Variants in XKR6 observed in about 807,000 individuals in gnomAD.
XKR6 encodes the protein XK related 6.
In XKR6, 22 loss-of-function variants were observed where a neutral mutation model predicts 56.7. That is an observed-to-expected ratio of 0.39 (90% CI 0.28 to 0.55). The LOEUF (loss-of-function observed/expected upper bound fraction) is 0.55, where lower values mean the gene tolerates loss of function less well. Among genes scored for constraint, XKR6 ranks in the 20% least tolerant of loss-of-function variants. The probability of loss-of-function intolerance (pLI) is 0.66; values close to 1 mark genes in which losing one functional copy is unlikely to be tolerated. For synonymous variants in XKR6, 524 were observed against 387.8 expected (o/e 1.35, Z -4.13); for missense variants, 852 against 889.0 (o/e 0.96, Z 0.53).
intron 1 of XKR6, among the ~76,000 whole-genome samples, chr8:11,159,870 T>C (rs909604789): frequency 3.3e-5 from 5 of 152,194 alleles, no homozygotes; most frequent in Admixed American, 1.3e-4. Flanking sequence ...AGAATGTTGT[T>C]GATTAGAGAT....
intron 2 of XKR6, among the ~76,000 whole-genome samples, chr8:10,899,187 G>C (rs1010600343): frequency 4.6e-5 from 7 of 152,192 alleles, no homozygotes; most frequent in African/African-American, 1.7e-4. Context: ...TTGCTAGGGG[G>C]CTGAGAGGTG....
intron 1 of XKR6, among the ~76,000 whole-genome samples, chr8:11,110,188 GTCT>G (rs976680054): frequency 1.3e-5 from 2 of 152,130 alleles, no homozygotes; most frequent in Non-Finnish European, 2.9e-5. Flanking sequence ...GGCCAGGCTG[GTCT>G]TGAACTCCTG....
intron 1 of XKR6, among the ~76,000 whole-genome samples, chr8:11,150,157 T>C (rs1255260684): frequency 3.3e-5 from 5 of 152,160 alleles, no homozygotes; most frequent in African/African-American, 7.2e-5. Flanking sequence ...TAAGTTCCAA[T>C]GTCTGATAGC....
chr8:11,137,748 C>A (rs1010704842), intron 1 of XKR6: 3 of 455,224 alleles, frequency 6.6e-6, no homozygotes, highest in African/African-American at 4.0e-5. Flanking sequence ...GGCTCTGAAT[C>A]GAATCCTGCT....
intron 1 of XKR6, among the ~76,000 whole-genome samples, chr8:10,980,886 A>G (rs1563325835): frequency 6.6e-6 from 1 of 152,018 alleles, no homozygotes; most frequent in Non-Finnish European, 1.5e-5. Flanking sequence ...GACCTACCCA[A>G]GTTGTATAGA....
chr8:11,098,042 A>G (rs114697687), intron 1 of XKR6, among the ~76,000 whole-genome samples: 2,734 of 152,206 alleles, frequency 0.018, 92 homozygotes, highest in African/African-American at 0.063. Flanking sequence ...CCCCCAGCAT[A>G]CACTGTTGTG....
chr8:11,092,183 G>C (rs567399395), intron 1 of XKR6, among the ~76,000 whole-genome samples: 9 of 152,174 alleles, frequency 5.9e-5, no homozygotes, highest in Non-Finnish European at 1.2e-4. Context: ...TTTCAGGTTT[G>C]CGATAAGGGA....
intron 1 of XKR6, among the ~76,000 whole-genome samples, chr8:11,019,549 A>T (rs1798702341): frequency 6.6e-6 from 1 of 152,218 alleles, no homozygotes; most frequent in Non-Finnish European, 1.5e-5. Context: ...AGGACTCAGG[A>T]ACAGGCTGCT....
At chr8:11,025,114 G>A (rs1798831949) in intron 1 of XKR6, among the ~76,000 whole-genome samples, 1 of 152,162 alleles carries the variant, frequency 6.6e-6, no homozygotes, top group African/African-American at 2.4e-5. Context: ...GTCACAGAGG[G>A]GTGAGCAGGA....
chr8:11,012,082 A>G (rs1798512727), intron 1 of XKR6, among the ~76,000 whole-genome samples: 1 of 152,218 alleles, frequency 6.6e-6, no homozygotes, highest in Non-Finnish European at 1.5e-5. Flanking sequence ...CACAACAGGC[A>G]GGGCCTCGCA....
intron 1 of XKR6, among the ~76,000 whole-genome samples, chr8:11,026,013 T>G (rs1798852265): frequency 6.6e-6 from 1 of 152,170 alleles, no homozygotes; most frequent in Non-Finnish European, 1.5e-5. Context: ...ATTACATGTT[T>G]AAACAATAAT....
chr8:11,140,597 G>C (rs750248216), intron 1 of XKR6, among the ~76,000 whole-genome samples: 10 of 152,142 alleles, frequency 6.6e-5, no homozygotes, highest in Non-Finnish European at 1.5e-4. Flanking sequence ...AAGATATGTT[G>C]TTCTTAAGAA....
intron 1 of XKR6, among the ~76,000 whole-genome samples, chr8:10,993,624 G>C (rs970703306): frequency 1.3e-5 from 2 of 152,200 alleles, no homozygotes; most frequent in Non-Finnish European, 2.9e-5. Context: ...GCAGGGGAGA[G>C]GCTGGGGGCT....
intron 1 of XKR6, among the ~76,000 whole-genome samples, chr8:10,930,087 G>A (rs930963337): frequency 2.0e-5 from 3 of 151,154 alleles, no homozygotes; most frequent in Non-Finnish European, 3.0e-5. Flanking sequence ...ATCAGAGAAG[G>A]TCTCGTCCAA....
At chr8:10,938,983 G>T (rs1003389255) in intron 1 of XKR6, among the ~76,000 whole-genome samples, 9 of 152,316 alleles carry the variant, frequency 5.9e-5, no homozygotes, top group African/African-American at 2.2e-4. Flanking sequence ...GGGCCCTAAA[G>T]CTTAAGCTTC....
At chr8:10,915,173 C>A (rs1157165929) in intron 2 of XKR6, among the ~76,000 whole-genome samples, 1 of 152,264 alleles carries the variant, frequency 6.6e-6, no homozygotes, top group African/African-American at 2.4e-5. Flanking sequence ...CATCTCTCTA[C>A]ACAAAGCAGA....
rs915252458 is a variant in XKR6, at chr8:10,915,170, C to G, written c.961+9464G>C. Among the ~76,000 whole-genome samples, 4 of 152,256 alleles carry G rather than the reference C, an allele frequency of 2.6e-5. No individual in the cohort carries two copies. The South Asian group carries it at 6.2e-4, about 24-fold the overall frequency. On this transcript the variant is annotated intron_variant, in intron 2 of 2. Coordinates refer to ENST00000416569, the MANE Select transcript of XKR6 (RefSeq NM_173683.4). The stretch of plus-strand genomic sequence containing the variant: ...TTTGCTTTGTTTATTGCCCATCTCT[C>G]TACACAAAGCAGAAGCTCCACAAGG...
At chr8:11,059,027 G>A (rs1799758728) in intron 1 of XKR6, among the ~76,000 whole-genome samples, 2 of 152,228 alleles carry the variant, frequency 1.3e-5, no homozygotes, top group South Asian at 4.1e-4. Flanking sequence ...TGAAATAGCG[G>A]CCCAAGCCCT....
intron 1 of XKR6, among the ~76,000 whole-genome samples, chr8:11,101,778 T>C (rs901166921): frequency 1.3e-5 from 2 of 152,172 alleles, no homozygotes; most frequent in Non-Finnish European, 1.5e-5. Flanking sequence ...CTGCTCACCA[T>C]TCCTCATGCT....
Sources: allele counts gnomAD v4.1 joint callset (sites outside exome capture counted in the v4.1 genomes callset), GRCh38; gene constraint gnomAD v4.1.1; transcripts MANE v1.5; gene names NCBI Gene and HGNC (gene_info 2026-07-23, HGNC 2026-07-21).